Variants in ANKFN1 observed in about 807,000 individuals in gnomAD.
The protein encoded by ANKFN1 is ankyrin repeat and fibronectin type III domain containing 1, also known as ankyrin repeat and fibronectin type-III domain-containing protein 1.
In ANKFN1, 74 loss-of-function variants were observed where a neutral mutation model predicts 108.7. The observed-to-expected ratio is 0.68, with a 90% CI of 0.56 to 0.83. The LOEUF (loss-of-function observed/expected upper bound fraction) is 0.83. ANKFN1 is among the 40% of genes least tolerant of loss of function. The probability of loss-of-function intolerance (pLI) is 0.00; values close to 1 mark genes in which losing one functional copy is unlikely to be tolerated. For missense variants in ANKFN1, 1,505 were observed against 1,382.3 expected (o/e 1.09, Z -1.41); for synonymous variants, 547 against 516.2 (o/e 1.06, Z -0.81).
At chr17:56,120,041 T>C (rs963150584) in intron 4 of ANKFN1, among the ~76,000 whole-genome samples, 2 of 152,216 alleles carry the variant, frequency 1.3e-5, no homozygotes, top group African/African-American at 2.4e-5. Context: ...TTCAAATAGC[T>C]AACTAGGTTT....
chr17:56,344,725 A>T (rs553413895), intron 4 of ANKFN1, among the ~76,000 whole-genome samples: 2 of 152,030 alleles, frequency 1.3e-5, no homozygotes, highest in Non-Finnish European at 2.9e-5. Context: ...GTCAGAGCGA[A>T]TGAAGATAAG....
chr17:56,386,705 C>A (rs1455217327), intron 8 of ANKFN1, among the ~76,000 whole-genome samples: 2 of 150,038 alleles, frequency 1.3e-5, no homozygotes, highest in African/African-American at 4.9e-5. Flanking sequence ...TCCTACTATA[C>A]TGTGAATAGT....
chr17:56,256,476 T>C (rs2043360018), intron 3 of ANKFN1, among the ~76,000 whole-genome samples: 1 of 151,990 alleles, frequency 6.6e-6, no homozygotes, highest in South Asian at 2.1e-4. Flanking sequence ...AAACCTGGAG[T>C]AAAGAACAGA....
At chr17:56,379,429 T>G (rs1341782285) in intron 8 of ANKFN1, among the ~76,000 whole-genome samples, 1 of 152,048 alleles carries the variant, frequency 6.6e-6, no homozygotes, top group East Asian at 1.9e-4. Context: ...TCAAAGTCCT[T>G]CACCCTTCTT....
At chr17:56,294,553 G>C (rs1310716711) in intron 3 of ANKFN1, among the ~76,000 whole-genome samples, 5 of 152,226 alleles carry the variant, frequency 3.3e-5, no homozygotes, top group Non-Finnish European at 1.5e-5. Flanking sequence ...GTAGAGGTTT[G>C]AGAATTTGAT....
chr17:56,253,645 G>A (rs988083482), intron 3 of ANKFN1, among the ~76,000 whole-genome samples: 3 of 152,128 alleles, frequency 2.0e-5, no homozygotes, highest in East Asian at 3.8e-4. Context: ...GCCAAGGCAC[G>A]AGAGAATCAC....
At chr17:56,211,764 T>C (rs550640808) in intron 1 of ANKFN1, among the ~76,000 whole-genome samples, 22 of 152,318 alleles carry the variant, frequency 1.4e-4, no homozygotes, top group Non-Finnish European at 2.8e-4. Flanking sequence ...ATTTGTGTCA[T>C]CCATGATTTC....
chr17:56,283,524 G>GATATATATATATATATATATATAT lies in ANKFN1; in HGVS notation c.54-42683_54-42682insATATATATATATATATATATATAT, dbSNP rs567333825. On this transcript the variant is annotated intron_variant, in intron 3 of 20. Transcript: ENST00000682825. ...ATCAACAAATGGATAAAGAAACTGT[G>GATATATATATATATATATATATAT]ATATATATATATATGATGGAATACT... Among the ~76,000 whole-genome samples the GATATATATATATATATATATATAT allele has an allele frequency of 3.7e-4, 52 of 141,578 alleles. 4 individuals are homozygous for GATATATATATATATATATATATAT. Among genetic ancestry groups the GATATATATATATATATATATATAT allele is most frequent in the African/African-American group, 1.4e-3 (47 of 33,360 alleles). The allele number at this position is 141,578 out of a possible 152,430, so 92.9% of individuals were successfully genotyped here. A position where few individuals can be genotyped will look rare whatever the true frequency, so the allele number is the denominator to read the frequency against.
In ANKFN1 at chr17:56,395,251, G is replaced by A. The variant is rs567013055; in HGVS notation, c.910+20537G>A. ...GACAAGGGATTTTAAAGCACTTAGGGACTAACAACATTGGGCCAGTCTTAT... is the reference window on the plus strand; with the variant it reads ...GACAAGGGATTTTAAAGCACTTAGGAACTAACAACATTGGGCCAGTCTTAT... On this transcript the variant is annotated intron_variant, in intron 8 of 20. Coordinates refer to ENST00000682825, the MANE Select transcript of ANKFN1 (RefSeq NM_001370326.1). 2.6e-5 allele frequency among the ~76,000 whole-genome samples: 4 copies of A among 152,270 alleles called. No homozygotes were observed. In the East Asian group the frequency reaches 7.7e-4, roughly 29 times the overall value.
At chr17:56,185,366 G>A (rs554593071) in intron 1 of ANKFN1, among the ~76,000 whole-genome samples, 2 of 152,268 alleles carry the variant, frequency 1.3e-5, no homozygotes, top group South Asian at 4.1e-4. Context: ...AAAAGTTTGA[G>A]ACATAAATCC....
intron 3 of ANKFN1, among the ~76,000 whole-genome samples, chr17:56,251,593 T>C (rs773580759): frequency 2.0e-5 from 3 of 152,190 alleles, no homozygotes. Context: ...CTCAAAAGGT[T>C]TGTCCCCATT....
intron 6 of ANKFN1, among the ~76,000 whole-genome samples, chr17:56,358,372 C>A (rs2046426852): frequency 6.6e-6 from 1 of 152,136 alleles, no homozygotes; most frequent in Non-Finnish European, 1.5e-5. Flanking sequence ...TGTCTTCTAT[C>A]TTGAACCCCT....
intron 4 of ANKFN1, among the ~76,000 whole-genome samples, chr17:56,093,883 A>G (rs1905467559): frequency 6.6e-6 from 1 of 151,326 alleles, no homozygotes; most frequent in African/African-American, 2.4e-5. Flanking sequence ...TGAAGTCCTA[A>G]TCCCCAATAC....
At chr17:56,048,504 G>A (rs112055976) in intron 4 of ANKFN1, among the ~76,000 whole-genome samples, 13 of 151,836 alleles carry the variant, frequency 8.6e-5, no homozygotes, top group African/African-American at 3.2e-4. Context: ...CCTAAATTAG[G>A]AGCTGTAAAA....
intron 3 of ANKFN1, among the ~76,000 whole-genome samples, chr17:56,299,756 G>A (rs745456965): frequency 1.3e-5 from 2 of 152,188 alleles, no homozygotes; most frequent in Non-Finnish European, 2.9e-5. Context: ...AAAGGGGCTA[G>A]CACAATAGCT....
At position 56,164,737 on chromosome 17, in the gene ANKFN1, G is replaced by T. The variant is rs1045023262; in HGVS notation, c.-71+11207G>T. 2.6e-5 allele frequency among the ~76,000 whole-genome samples: 4 copies of T among 152,126 alleles called. No individual in the cohort carries two copies. The East Asian group carries it at 7.7e-4, about 29-fold the overall frequency. On this transcript the variant is annotated intron_variant, in intron 1 of 20. Transcript: ENST00000682825. ...TATTCTTGGGGCCTCTTATCATAAA[G>T]TTCAGCCAGTTTCTCAGGATAATGC...
chr17:56,412,948 G>C (rs1370298293), intron 8 of ANKFN1, among the ~76,000 whole-genome samples: 1 of 151,980 alleles, frequency 6.6e-6, no homozygotes, highest in Non-Finnish European at 1.5e-5. Context: ...TGTCAATTTT[G>C]CTTATCTTTT....
At chr17:56,435,583 G>T (rs1598605814) in intron 8 of ANKFN1, among the ~76,000 whole-genome samples, 1 of 152,132 alleles carries the variant, frequency 6.6e-6, no homozygotes, top group East Asian at 1.9e-4. Flanking sequence ...AAGGGCAAGT[G>T]ACTGATAAGG....
chr17:56,140,138 T>C (rs942009264), intron 4 of ANKFN1, among the ~76,000 whole-genome samples: 3 of 152,232 alleles, frequency 2.0e-5, no homozygotes, highest in African/African-American at 7.2e-5. Flanking sequence ...TTTCTAGAAC[T>C]CCTGCTTCAT....
Sources: gnomAD v4.1 joint callset for allele counts (sites outside exome capture counted in the v4.1 genomes callset) on GRCh38, gnomAD v4.1.1 for gene constraint, MANE v1.5 for transcripts, NCBI Gene and HGNC (gene_info 2026-07-23, HGNC 2026-07-21) for gene names.